COL4A4: variants seen among roughly 807,000 people sequenced by gnomAD.
The protein encoded by COL4A4 is collagen type IV alpha 4 chain.
A neutral mutation model predicts 192.9 loss-of-function variants in COL4A4; 105 were observed. The ratio of observed to expected loss-of-function variants is 0.54; its 90% CI spans 0.46 to 0.64. The LOEUF is 0.64. COL4A4 is among the 30% of genes least tolerant of loss of function. The probability of loss-of-function intolerance (pLI) is 0.00; values close to 1 mark genes in which losing one functional copy is unlikely to be tolerated. For synonymous variants in COL4A4, 762 were observed against 769.9 expected (o/e 0.99, Z 0.17); for missense variants, 1,967 against 2,169.3 (o/e 0.91, Z 1.85).
intron 25 of COL4A4, among the ~76,000 whole-genome samples, chr2:227,073,709 T>C (rs1050017070): frequency 6.6e-6 from 1 of 152,054 alleles, no homozygotes; most frequent in Non-Finnish European, 1.5e-5. Context: ...CATACACCAA[T>C]GGAACAGCAC....
chr2:227,055,856 T>A (rs958349227), intron 30 of COL4A4, 89 bp downstream of exon 30: 101 of 1,205,946 alleles, frequency 8.4e-5, no homozygotes, highest in Non-Finnish European at 1.1e-4. Flanking sequence ...CAGTTAACTC[T>A]TTTTGTGTGG....
chr2:226,979,670 G>A, the COL4A4 span, among the ~76,000 whole-genome samples: 1 of 152,204 alleles, frequency 6.6e-6, no homozygotes, highest in Non-Finnish European at 1.5e-5. Context: ...AGCCATACTG[G>A]CAATCCACTG....
chr2:226,969,755 T>G, the COL4A4 span, among the ~76,000 whole-genome samples: 2 of 152,248 alleles, frequency 1.3e-5, no homozygotes, highest in African/African-American at 4.8e-5. Flanking sequence ...TAAAAAGTTA[T>G]TTTTTAAATG....
chr2:227,021,704 A>T (rs1378471767), intron 44 of COL4A4, among the ~76,000 whole-genome samples: 1 of 152,118 alleles, frequency 6.6e-6, no homozygotes, highest in Non-Finnish European at 1.5e-5. Context: ...GGGCGCCTGT[A>T]GTCCCAGCTA....
At chr2:227,099,105 C>A (rs985146287) in intron 18 of COL4A4, among the ~76,000 whole-genome samples, 5 of 152,130 alleles carry the variant, frequency 3.3e-5, no homozygotes, top group African/African-American at 1.2e-4. Flanking sequence ...CGGAGTCTCC[C>A]TCTGTCGCCC....
chr2:227,069,060 T>C (rs2058539527), intron 25 of COL4A4, among the ~76,000 whole-genome samples: 2 of 138,068 alleles, frequency 1.4e-5, no homozygotes, highest in Admixed American at 7.5e-5. Context: ...ACAAGCATTC[T>C]TATACACCAA....
At chr2:226,969,131 T>C in the COL4A4 span, 1 of 170,048 alleles carries the variant, frequency 5.9e-6, no homozygotes, top group Non-Finnish European at 1.3e-5. Flanking sequence ...CACTGAGGTG[T>C]TTTATAGTCA....
chr2:227,033,012 A>T (rs1242727660), intron 38 of COL4A4, among the ~76,000 whole-genome samples: 2 of 152,218 alleles, frequency 1.3e-5, no homozygotes, highest in Non-Finnish European at 2.9e-5. Context: ...CCATAAAAGG[A>T]TGCTATTAGT....
At chr2:227,054,835 G>A in intron 30 of COL4A4, 98 bp from the exon 31 acceptor site, 1 of 1,351,488 alleles carries the variant, frequency 7.4e-7, no homozygotes, top group Non-Finnish European at 1.0e-6. Flanking sequence ...TGTCACCCAG[G>A]CTGAAGTGCA....
intron 4 of COL4A4, among the ~76,000 whole-genome samples, chr2:227,131,519 C>T (rs1283922887): frequency 6.6e-6 from 1 of 152,164 alleles, no homozygotes; most frequent in Non-Finnish European, 1.5e-5. Context: ...TCAAATTTCT[C>T]TCTAGTCACG....
At chr2:227,126,874 A>C (rs2062121334) in intron 4 of COL4A4, among the ~76,000 whole-genome samples, 1 of 152,240 alleles carries the variant, frequency 6.6e-6, no homozygotes, top group South Asian at 2.1e-4. Context: ...TTGTGCTTAC[A>C]GGTAAATATG....
rs1056397128 is a variant in COL4A4, at chr2:227,123,780, G to A, written c.193-2632C>T. ...AAGACGTGTGGGACCCCAAAAGCAC[G>A]TGCAAGCTGCCAGCAAAGTCCATCT... is the stretch of plus-strand genomic sequence containing the variant. On this transcript the variant is annotated intron_variant, in intron 4 of 47. Coordinates refer to ENST00000396625, the MANE Select transcript of COL4A4 (RefSeq NM_000092.5). The surrounding 1 kb of genome is among the most constrained non-coding windows in gnomAD (Gnocchi z 4.6). Among the ~76,000 whole-genome samples the A allele has an allele frequency of 6.6e-6, 1 of 152,184 alleles. No individual in the cohort carries two copies. The highest frequency in any genetic ancestry group is 6.5e-5 in the Admixed American group (1 of 15,274).
At chr2:227,033,342 A>C in intron 38 of COL4A4, 68 bp downstream of exon 38, 22 of 1,276,032 alleles carry the variant, frequency 1.7e-5, no homozygotes, top group Non-Finnish European at 2.3e-5. Context: ...AATACCAGGG[A>C]GGGTACCACT....
chr2:227,145,670 C>T (rs2063503171), intron 2 of COL4A4, among the ~76,000 whole-genome samples: 1 of 152,186 alleles, frequency 6.6e-6, no homozygotes, highest in Non-Finnish European at 1.5e-5. Flanking sequence ...GCCTTCTCCT[C>T]TCTAAAACCT....
At chr2:227,075,297 C>G (rs928032068) in intron 25 of COL4A4, among the ~76,000 whole-genome samples, 2 of 152,056 alleles carry the variant, frequency 1.3e-5, no homozygotes, top group African/African-American at 4.8e-5. Flanking sequence ...AAAAGCATAT[C>G]CACCACGATC....
intron 38 of COL4A4, 37 bp from the exon 39 acceptor site, chr2:227,032,313 C>CTT (rs1171518238): frequency 3.8e-6 from 6 of 1,584,634 alleles, no homozygotes; most frequent in Non-Finnish European, 5.2e-6. Context: ...TATATCTTCT[C>CTT]TTTTCTTGTC....
intron 43 of COL4A4, among the ~76,000 whole-genome samples, chr2:227,024,010 AAAAAAAC>A: frequency 6.6e-6 from 1 of 150,990 alleles, no homozygotes; most frequent in African/African-American, 2.4e-5. Flanking sequence ...GTCTCAAAAA[AAAAAAAC>A]AAAAAACAAA....
rs1478086870 is a variant in COL4A4 at position 227,066,685 on chromosome 2, C to T, written c.1988-4087G>A. 3.4e-5 allele frequency among the ~76,000 whole-genome samples: 5 copies of T among 148,746 alleles called. No homozygotes were observed. In the East Asian group the frequency reaches 5.9e-4, roughly 18 times the overall value. On this transcript the variant is annotated intron_variant, in intron 25 of 47. Coordinates refer to ENST00000396625, the MANE Select transcript of COL4A4 (RefSeq NM_000092.5). The stretch of plus-strand genomic sequence containing the variant: ...AAATGCTGAGAGATTTTGTCACCAC[C>T]AGGCCTGCCCTAAAAGAGCTCCTGA...
chr2:227,098,507 GT>G (rs1251898977), intron 19 of COL4A4, among the ~76,000 whole-genome samples, 186 bp downstream of exon 19: 1 of 152,196 alleles, frequency 6.6e-6, no homozygotes, highest in Non-Finnish European at 1.5e-5. Context: ...CGCTTCTACA[GT>G]ATCAGATCCC....
Sources: gnomAD v4.1 joint callset for allele counts (sites outside exome capture counted in the v4.1 genomes callset) on GRCh38, gnomAD v4.1.1 for gene constraint, Gnocchi (gnomAD v3.1) non-coding constraint, MANE v1.5 for transcripts, NCBI Gene and HGNC (gene_info 2026-07-23, HGNC 2026-07-21) for gene names.